The following STK3 variants were observed in gnomAD, a reference collection of about 807,000 sequenced individuals.
STK3 encodes the protein serine/threonine-protein kinase 3.
STK3 carries 41 observed loss-of-function variants against 58.0 expected under a neutral mutation model. That is an observed-to-expected ratio of 0.71 (90% confidence interval 0.55 to 0.92). The LOEUF is 0.92. STK3 is among the 40% of genes least tolerant of loss of function. The pLI is 0.00. For missense variants in STK3, 479 were observed against 602.7 expected (o/e 0.79, Z 2.15); for synonymous variants, 170 against 191.0 (o/e 0.89, Z 0.91).
At chr8:98,543,576 A>T (rs1810460210) in intron 9 of STK3, among the ~76,000 whole-genome samples, 1 of 152,188 alleles carries the variant, frequency 6.6e-6, no homozygotes, top group Admixed American at 6.5e-5. Context: ...CAATTTTTCA[A>T]CCTTATTCCA....
At chr8:98,924,795 G>A (rs541674597) in intron 1 of STK3, among the ~76,000 whole-genome samples, 1 of 152,326 alleles carries the variant, frequency 6.6e-6, no homozygotes, top group African/African-American at 2.4e-5. Flanking sequence ...TCTGCGGAAA[G>A]CAGAAGGTGC....
At chr8:98,854,444 C>T (rs1468185521) in intron 3 of STK3, among the ~76,000 whole-genome samples, 2 of 152,044 alleles carry the variant, frequency 1.3e-5, no homozygotes, top group Non-Finnish European at 2.9e-5. Context: ...GGGCCTAAAA[C>T]TATTTTTAAA....
intron 1 of STK3, among the ~76,000 whole-genome samples, chr8:98,794,960 C>A (rs530738057): frequency 6.7e-6 from 1 of 149,460 alleles, no homozygotes; most frequent in East Asian, 2.0e-4. Context: ...CCAGCTACTC[C>A]AGAGGCTTGA....
chr8:98,557,849 A>C (rs547926112), intron 8 of STK3, among the ~76,000 whole-genome samples: 2 of 152,240 alleles, frequency 1.3e-5, no homozygotes, highest in East Asian at 3.9e-4. Flanking sequence ...TTAAAGTTAC[A>C]TCAAAGCTTT....
intron 4 of STK3, among the ~76,000 whole-genome samples, chr8:98,733,776 T>C (rs1377378029): frequency 6.6e-6 from 1 of 152,188 alleles, no homozygotes; most frequent in African/African-American, 2.4e-5. Context: ...TTATTAGTTA[T>C]TTGTACTTCT....
At chr8:98,707,735 C>G (rs1000634450) in intron 4 of STK3, among the ~76,000 whole-genome samples, 6 of 152,048 alleles carry the variant, frequency 3.9e-5, no homozygotes, top group Admixed American at 6.6e-5. Flanking sequence ...ACCGCTAAAC[C>G]TCCAGGAAAA....
intron 6 of STK3, chr8:98,597,567 G>A: frequency 1.0e-6 from 1 of 985,352 alleles, no homozygotes; most frequent in Non-Finnish European, 1.2e-6. Flanking sequence ...AAGGGCCACA[G>A]GCCAAATAGT....
At chr8:98,701,384 G>A (rs989784229) in intron 6 of STK3, among the ~76,000 whole-genome samples, 1 of 152,206 alleles carries the variant, frequency 6.6e-6, no homozygotes, top group South Asian at 2.1e-4. Flanking sequence ...TTGGGAGACC[G>A]AGGCAGGTGG....
intron 6 of STK3, among the ~76,000 whole-genome samples, chr8:98,687,057 A>G (rs1291671264): frequency 6.6e-6 from 1 of 152,214 alleles, no homozygotes; most frequent in African/African-American, 2.4e-5. Context: ...AGGGATCAAC[A>G]TGCAGATACA....
At chr8:98,429,173 C>T in intron 3 of STK3, 20 of 1,613,664 alleles carry the variant, frequency 1.2e-5, no homozygotes, top group Non-Finnish European at 1.5e-5. Flanking sequence ...TCTTGGCAGG[C>T]ATCCTCGTGG....
rs779520676 is a variant in STK3, at chr8:98,428,888, C to T, written n.483+5239G>A. 31 of 1,614,094 alleles carry T rather than the reference C, an allele frequency of 1.9e-5. No individual in the cohort carries two copies. Among genetic ancestry groups the T allele is most frequent in the East Asian group, 8.9e-5 (4 of 44,884 alleles). On this transcript the variant is annotated intron_variant and non_coding_transcript_variant, in intron 3 of 3. Coordinates refer to the STK3 transcript ENST00000517832. This position sits in a 1 kb window ranked among gnomAD's most constrained non-coding sequence, Gnocchi z 6.7. ...AGGTCCTGAGGCTGATGCGGATCTTCCGCATCTTAAAGCTGGCCAGGCACT... is the reference window on the plus strand; with the variant it reads ...AGGTCCTGAGGCTGATGCGGATCTTTCGCATCTTAAAGCTGGCCAGGCACT...
At chr8:98,655,714 A>T (rs933241427) in intron 6 of STK3, among the ~76,000 whole-genome samples, 1 of 152,056 alleles carries the variant, frequency 6.6e-6, no homozygotes, top group Non-Finnish European at 1.5e-5. Context: ...ACATTTATGC[A>T]GCCAAAAAAC....
chr8:98,711,975 T>A (rs1338620686), intron 4 of STK3, among the ~76,000 whole-genome samples: 1 of 152,162 alleles, frequency 6.6e-6, no homozygotes, highest in Non-Finnish European at 1.5e-5. Flanking sequence ...GGGGGGCCAA[T>A]AGTCAAGATT....
chr8:98,765,750 G>A (rs1830906638), intron 3 of STK3, among the ~76,000 whole-genome samples: 1 of 152,208 alleles, frequency 6.6e-6, no homozygotes, highest in African/African-American at 2.4e-5. Context: ...ACTGAGACAT[G>A]GCTGTTCCTT....
intron 3 of STK3, chr8:98,426,894 CGGCGGCGGCTGCGCCTTCCGAGCCCG>C (rs899721318): frequency 6.5e-6 from 1 of 152,906 alleles, no homozygotes. Context: ...GAAGCAGCGG[CGGCGGCGGCTGCGCCTTCCGAGCCCG>C]GGCGGCGGCC....
intron 1 of STK3, among the ~76,000 whole-genome samples, chr8:98,898,020 T>A (rs1002041790): frequency 8.5e-5 from 13 of 152,244 alleles, no homozygotes; most frequent in Admixed American, 2.6e-4. Flanking sequence ...GGCCTCGGTT[T>A]TCCTCACCTG....
chr8:98,787,167 CAAAAAAAAAAAAAAAA>C (rs35568354), intron 1 of STK3, among the ~76,000 whole-genome samples: 1 of 22,674 alleles, frequency 4.4e-5, no homozygotes, highest in South Asian at 3.2e-3. Flanking sequence ...GACTCCACCT[CAAAAAAAAAAAAAAAA>C]AAAAAAAAAA....
At chr8:98,722,911 G>A (rs377153561) in intron 4 of STK3, 6 of 506,106 alleles carry the variant, frequency 1.2e-5, no homozygotes, top group Admixed American at 2.0e-5. Context: ...ATGGAAAAGC[G>A]TTAGATCCAT....
intron 3 of STK3, among the ~76,000 whole-genome samples, chr8:98,402,735 G>C (rs776790507): frequency 6.6e-6 from 1 of 152,206 alleles, no homozygotes; most frequent in Non-Finnish European, 1.5e-5. Flanking sequence ...AACAGTCTGT[G>C]CTTGTTCCCT....
Sources: allele counts gnomAD v4.1 joint callset (sites outside exome capture counted in the v4.1 genomes callset), GRCh38; gene constraint gnomAD v4.1.1; non-coding constraint Gnocchi (gnomAD v3.1); transcripts MANE v1.5; gene names NCBI Gene and HGNC (gene_info 2026-07-23, HGNC 2026-07-21).